Variants in BET1 observed in about 807,000 individuals in gnomAD.
BET1 encodes BET1 homolog.
BET1 carries 9 observed loss-of-function variants against 13.9 expected under a neutral mutation model. The ratio of observed to expected loss-of-function variants is 0.65; its 90% CI spans 0.39 to 1.13. The LOEUF (loss-of-function observed/expected upper bound fraction) is 1.13, where lower values mean the gene tolerates loss of function less well. BET1 is among the 50% of genes most tolerant of loss of function. The pLI is 0.01. For missense variants in BET1, 127 were observed against 133.6 expected, an observed-to-expected ratio of 0.95 and a Z score of 0.24; for synonymous variants, 39 against 47.3, an observed-to-expected ratio of 0.82 and a Z score of 0.72.
downstream of BET1, chr7:93,992,093 T>G (rs1795648979): frequency 1.0e-6 from 1 of 985,254 alleles, no homozygotes; most frequent in African/African-American, 1.7e-5. Flanking sequence ...CATGCCAGTG[T>G]GTCCAGAGGA....
At chr7:93,978,859 C>T (rs1795380640) in intron 4 of BET1, among the ~76,000 whole-genome samples, 1 of 152,126 alleles carries the variant, frequency 6.6e-6, no homozygotes, top group African/African-American at 2.4e-5. Flanking sequence ...TAGATAAGGA[C>T]AAATGAAGGT....
rs545616086 is a variant in BET1, at chr7:93,975,685, AT to A, written c.*48+218del. On this transcript the variant is annotated intron_variant and NMD_transcript_variant, in intron 5 of 6. Coordinates refer to the BET1 transcript ENST00000357520. ...TAGATACTTAAATTGTCATTAAGTC[AT>A]CCTTTATGTTTTAATTACAAGCATA... 2.4e-3 allele frequency among the ~76,000 whole-genome samples: 369 copies of A among 152,196 alleles called. 3 individuals are homozygous for A. Among genetic ancestry groups the A allele is most frequent in the African/African-American group, 8.2e-3 (342 of 41,554 alleles).
At chr7:93,968,750 T>C (rs1287876746) in intron 6 of BET1, among the ~76,000 whole-genome samples, 1 of 151,754 alleles carries the variant, frequency 6.6e-6, no homozygotes, top group Non-Finnish European at 1.5e-5. Flanking sequence ...TAATCTGTTA[T>C]CAAGGAGGGA....
chr7:93,986,556 T>C (rs1795531979), intron 4 of BET1, among the ~76,000 whole-genome samples: 3 of 152,188 alleles, frequency 2.0e-5, no homozygotes, highest in Admixed American at 1.3e-4. Context: ...GCCCCGCCTG[T>C]CACTTGAATA....
At chr7:93,998,779 G>A (rs1562808457) in intron 2 of BET1, among the ~76,000 whole-genome samples, 1 of 152,132 alleles carries the variant, frequency 6.6e-6, no homozygotes, top group East Asian at 1.9e-4. Flanking sequence ...GAAAGACAGT[G>A]TAAGACTCAG....
At chr7:93,966,006 T>C (rs1392719673) in intron 6 of BET1, among the ~76,000 whole-genome samples, 1 of 151,972 alleles carries the variant, frequency 6.6e-6, no homozygotes. Flanking sequence ...TAAGTACTCA[T>C]CTTATGATTA....
rs147425141 is a variant in BET1, at chr7:93,994,294, C to A, written c.293G>T (p.Cys98Phe). ...AAATAAAGAAAACAGCATCATATAGCACAGCAGCTTTGTTTGGCTCCCTCT... is the reference window on the plus strand; with the variant it reads ...AAATAAAGAAAACAGCATCATATAGAACAGCAGCTTTGTTTGGCTCCCTCT... ...LSRGSQTKLL[C>F]YMMLFSLFVF... The change falls in exon 4 of 4, where the codon TGC (cysteine) becomes TTC (phenylalanine). Residue 98 changes from cysteine (C) to phenylalanine (F), a missense_variant. Cys to Phe is a radical substitution (Grantham distance 205). Coordinates refer to ENST00000222547, the MANE Select transcript of BET1 (RefSeq NM_005868.6). The A allele has an allele frequency of 3.7e-6, 6 of 1,613,708 alleles. No individual in the cohort carries two copies. In the South Asian group the frequency reaches 5.5e-5, roughly 15 times the overall value.
At chr7:93,989,457 G>A (rs1795590551), downstream of BET1, among the ~76,000 whole-genome samples, 1 of 152,080 alleles carries the variant, frequency 6.6e-6, no homozygotes, top group African/African-American at 2.4e-5. Flanking sequence ...ACTGCCCTAG[G>A]GTGGTTGCTA....
intron 5 of BET1, chr7:93,972,752 G>T (rs1165002114): frequency 6.6e-6 from 1 of 151,548 alleles, no homozygotes; most frequent in Non-Finnish European, 1.5e-5. Flanking sequence ...CCTGCATGGA[G>T]ATAAAATTGA....
At position 93,993,806 on chromosome 7, in the gene BET1, A is replaced by G. The variant is rs1164808654; in HGVS notation, c.*424T>C. Reference sequence around the variant, plus strand: ...CAGTTGATGCAGTTAGGAAAATTCAATTACCATTTTACCACAAACTGGCTG... The same window carrying G: ...CAGTTGATGCAGTTAGGAAAATTCAGTTACCATTTTACCACAAACTGGCTG... On this transcript the variant is annotated 3_prime_UTR_variant, in exon 4 of 4. Transcript: ENST00000222547. The G allele has an allele frequency of 5.2e-6, 8 of 1,525,404 alleles. No individual in the cohort carries two copies. The highest frequency in any genetic ancestry group is 2.8e-5 in the African/African-American group (2 of 72,472). The allele number at this position is 1,525,404 out of a possible 1,614,324, so 94.5% of individuals were successfully genotyped here.
chr7:93,973,552 G>C (rs1795292256), intron 5 of BET1, among the ~76,000 whole-genome samples: 1 of 151,836 alleles, frequency 6.6e-6, no homozygotes. Context: ...TTGAACTGCT[G>C]TATAAAGAAC....
At position 93,996,308 on chromosome 7, in the gene BET1, A is replaced by G; in HGVS notation, c.158T>C (p.Ile53Thr). 6.3e-7 allele frequency: 1 copy of G among 1,578,050 alleles called. No homozygotes were observed. Among genetic ancestry groups the G allele is most frequent in the Non-Finnish European group, 8.6e-7 (1 of 1,160,340 alleles). Reference sequence around the variant, plus strand: ...ATTCTGGGTTTTAACTTCATGGCCTATTTCAATGGAAAGCTATAAAGAAGA... The same window carrying G: ...ATTCTGGGTTTTAACTTCATGGCCTGTTTCAATGGAAAGCTATAAAGAAGA... The part of the protein sequence containing the change: ...VTAIKSLSIE[I>T]GHEVKTQNKL... The change falls in exon 3 of 4, where the codon ATA becomes ACA. Residue 53 changes from isoleucine to threonine, a missense_variant. Transcript: ENST00000222547.
At chr7:93,997,681 C>T (rs1424607836) in intron 2 of BET1, among the ~76,000 whole-genome samples, 1 of 152,172 alleles carries the variant, frequency 6.6e-6, no homozygotes, top group Non-Finnish European at 1.5e-5. Context: ...CTACTGAATG[C>T]TTTATAAGTG....
chr7:94,002,471 AAAAG>A (rs1226994064), intron 1 of BET1, among the ~76,000 whole-genome samples: 52 of 145,292 alleles, frequency 3.6e-4, no homozygotes, highest in Middle Eastern at 3.4e-3. Flanking sequence ...AAAAAAAAAA[AAAAG>A]AAAGAAAAAA....
At chr7:93,991,969 A>C (rs893827180), downstream of BET1, 1 of 985,166 alleles carries the variant, frequency 1.0e-6, no homozygotes, top group Non-Finnish European at 1.2e-6. Context: ...AGAGTTTTTC[A>C]TGGGGACAGG....
intron 4 of BET1, among the ~76,000 whole-genome samples, chr7:93,980,431 A>T (rs1329404361): frequency 1.3e-5 from 2 of 152,198 alleles, no homozygotes; most frequent in African/African-American, 2.4e-5. Context: ...TAAAAGAACC[A>T]TACACCAGGA....
At chr7:93,997,610 T>G (rs1795800870) in intron 2 of BET1, among the ~76,000 whole-genome samples, 1 of 152,230 alleles carries the variant, frequency 6.6e-6, no homozygotes, top group African/African-American at 2.4e-5. Context: ...CCAGACTGAA[T>G]GTAATTCGAT....
intron 6 of BET1, among the ~76,000 whole-genome samples, chr7:93,970,885 T>C (rs1584123639): frequency 1.3e-5 from 2 of 151,784 alleles, no homozygotes; most frequent in African/African-American, 4.8e-5. Flanking sequence ...TGTAGCTAGA[T>C]GGTAAATTGT....
chr7:93,991,394 A>G (rs1795630809), downstream of BET1, among the ~76,000 whole-genome samples: 1 of 152,142 alleles, frequency 6.6e-6, no homozygotes, highest in South Asian at 2.1e-4. Flanking sequence ...CAACTTCTAA[A>G]TATTTCAGAA....
Sources: gnomAD v4.1 joint callset for allele counts (sites outside exome capture counted in the v4.1 genomes callset) on GRCh38, gnomAD v4.1.1 for gene constraint, MANE v1.5 for transcripts, NCBI Gene and HGNC (gene_info 2026-07-23, HGNC 2026-07-21) for gene names.